The following PDIA5 variants were observed in gnomAD, a reference collection of about 807,000 sequenced individuals.
PDIA5 encodes the protein protein disulfide-isomerase A5.
A neutral mutation model predicts 77.6 loss-of-function variants in PDIA5; 58 were observed. That is an observed-to-expected ratio of 0.75 (90% CI 0.61 to 0.93). PDIA5 has a LOEUF of 0.93. Among genes scored for constraint, PDIA5 ranks in the 40% least tolerant of loss-of-function variants. PDIA5 has a pLI of 0.00. For missense variants in PDIA5, 630 were observed against 647.7 expected, an observed-to-expected ratio of 0.97 and a Z score of 0.30; for synonymous variants, 250 against 252.1, an observed-to-expected ratio of 0.99 and a Z score of 0.08.
intron 1 of PDIA5, among the ~76,000 whole-genome samples, chr3:123,081,717 A>G (rs1284359275): frequency 6.6e-6 from 1 of 152,198 alleles, no homozygotes; most frequent in African/African-American, 2.4e-5. Flanking sequence ...ATAATTGAAT[A>G]TCTCTGGCTT....
intron 10 of PDIA5, among the ~76,000 whole-genome samples, chr3:123,124,959 T>C (rs555065111): frequency 6.6e-6 from 1 of 152,306 alleles, no homozygotes; most frequent in East Asian, 1.9e-4. Flanking sequence ...ATCCCTGTTT[T>C]ATAACATGAT....
intron 15 of PDIA5, among the ~76,000 whole-genome samples, chr3:123,159,430 G>A (rs1410008069): frequency 6.6e-6 from 1 of 152,364 alleles, no homozygotes; most frequent in East Asian, 1.9e-4. Context: ...GGTGAACTGG[G>A]CTCCAGGGGG....
At chr3:123,119,072 G>A (rs1206251374) in intron 8 of PDIA5, among the ~76,000 whole-genome samples, 3 of 152,042 alleles carry the variant, frequency 2.0e-5, no homozygotes, top group Non-Finnish European at 4.4e-5. Context: ...GCAACATAGT[G>A]AAACCCCATG....
intron 3 of PDIA5, among the ~76,000 whole-genome samples, chr3:123,100,321 C>T (rs545741755): frequency 3.3e-5 from 5 of 152,350 alleles, no homozygotes; most frequent in African/African-American, 7.2e-5. Context: ...ACTGTAATAG[C>T]AGTTGTCAGA....
chr3:123,117,374 T>TTTTATATATATATATATATATATATA (rs1553800660), intron 8 of PDIA5, among the ~76,000 whole-genome samples: 3 of 79,870 alleles, frequency 3.8e-5, no homozygotes, highest in African/African-American at 1.4e-4. Flanking sequence ...TTCTATGATT[T>TTTTATATATATATATATATATATATA]TATATATATA....
chr3:123,150,136 A>G (rs1935854722), intron 13 of PDIA5, 98 bp from the exon 14 acceptor site: 2 of 806,236 alleles, frequency 2.5e-6, no homozygotes. Context: ...TTCTTCATGC[A>G]TGTTCCCCCG....
At chr3:123,123,013 G>A (rs1399570279) in intron 8 of PDIA5, among the ~76,000 whole-genome samples, 6 of 152,234 alleles carry the variant, frequency 3.9e-5, no homozygotes, top group African/African-American at 1.2e-4. Flanking sequence ...GCTGGCTCAT[G>A]CCTGTAATTC....
intron 1 of PDIA5, among the ~76,000 whole-genome samples, chr3:123,085,377 A>T (rs1054421564): frequency 6.6e-6 from 1 of 152,130 alleles, no homozygotes; most frequent in Non-Finnish European, 1.5e-5. Flanking sequence ...CCCCAGTGTC[A>T]TGCCCAGTGA....
At chr3:123,098,712 G>A (rs1421685776) in intron 3 of PDIA5, among the ~76,000 whole-genome samples, 1 of 152,204 alleles carries the variant, frequency 6.6e-6, no homozygotes, top group Admixed American at 6.5e-5. Flanking sequence ...GAACAGTGGT[G>A]AGTAAATGGG....
At chr3:123,136,034 G>T (rs1191281385) in intron 11 of PDIA5, among the ~76,000 whole-genome samples, 1 of 151,346 alleles carries the variant, frequency 6.6e-6, no homozygotes, top group Non-Finnish European at 1.5e-5. Flanking sequence ...GGGCTTAAAT[G>T]ATCCTTCCAC....
At chr3:123,150,868 C>T (rs958177558) in intron 14 of PDIA5, among the ~76,000 whole-genome samples, 14 of 152,342 alleles carry the variant, frequency 9.2e-5, no homozygotes, top group African/African-American at 2.2e-4. Flanking sequence ...GGAAGTGACA[C>T]GTCTGCCGAC....
At chr3:123,135,802 T>A (rs148252958) in intron 11 of PDIA5, among the ~76,000 whole-genome samples, 1 of 149,722 alleles carries the variant, frequency 6.7e-6, no homozygotes, top group African/African-American at 2.4e-5. Flanking sequence ...GTCTTTTTCA[T>A]TTTTTTGGTC....
At chr3:123,132,161 A>G (rs1446113139) in intron 11 of PDIA5, among the ~76,000 whole-genome samples, 1 of 152,076 alleles carries the variant, frequency 6.6e-6, no homozygotes, top group African/African-American at 2.4e-5. Flanking sequence ...TCACACAGAG[A>G]AATGACATAG....
At chr3:123,092,791 T>G (rs182827424) in intron 3 of PDIA5, among the ~76,000 whole-genome samples, 2 of 152,094 alleles carry the variant, frequency 1.3e-5, no homozygotes, top group Admixed American at 1.3e-4. Flanking sequence ...GGCAAGGTGA[T>G]TTTCAAGGTT....
intron 14 of PDIA5, among the ~76,000 whole-genome samples, chr3:123,152,111 T>TCCTTCCTTCCTGCCTTCCTTCCTG (rs1260802013): frequency 1.9e-4 from 14 of 74,504 alleles, no homozygotes; most frequent in East Asian, 3.9e-4. Flanking sequence ...CTTCCTTCCT[T>TCCTTCCTTCCTGCCTTCCTTCCTG]CCTTCCTTCC....
At chr3:123,090,501 C>T (rs910763734) in intron 2 of PDIA5, among the ~76,000 whole-genome samples, 10 of 152,198 alleles carry the variant, frequency 6.6e-5, no homozygotes, top group Non-Finnish European at 4.4e-5. Flanking sequence ...TGCAGGTTGT[C>T]AGAGGACATC....
chr3:123,098,522 C>G (rs1346182526), intron 3 of PDIA5, among the ~76,000 whole-genome samples: 1 of 152,186 alleles, frequency 6.6e-6, no homozygotes, highest in Non-Finnish European at 1.5e-5. Context: ...TGTCCCATGG[C>G]AGATTCAGAT....
intron 10 of PDIA5, 43 bp from the exon 11 acceptor site, chr3:123,130,437 C>A: frequency 6.3e-7 from 1 of 1,585,490 alleles, no homozygotes; most frequent in South Asian, 1.2e-5. Context: ...GCTGCCAAGG[C>A]CCCAGGGCCT....
chr3:123,080,973 A>T lies in PDIA5; in HGVS notation c.43-8195A>T, dbSNP rs143946335. 3.7e-4 allele frequency among the ~76,000 whole-genome samples: 57 copies of T among 152,242 alleles called. No individual in the cohort carries two copies. The East Asian group carries it at 9.9e-3, about 26-fold the overall frequency. On this transcript the variant is annotated intron_variant, in intron 1 of 16. Transcript: ENST00000316218. ...GTTCCAGCCATCTTGTCCAAATTCC[A>T]GCTGGCAGGAATGAGGCAGGGACTA...
Sources: gnomAD v4.1 joint callset for allele counts (sites outside exome capture counted in the v4.1 genomes callset) on GRCh38, gnomAD v4.1.1 for gene constraint, MANE v1.5 for transcripts, NCBI Gene and HGNC (gene_info 2026-07-23, HGNC 2026-07-21) for gene names.